The following MCF2L variants were observed in gnomAD, a reference collection of about 807,000 sequenced individuals.
MCF2L encodes the protein MCF.2 cell line derived transforming sequence like, also known as guanine nucleotide exchange factor DBS.
In MCF2L, 97 loss-of-function variants were observed where a neutral mutation model predicts 153.4. That is an observed-to-expected ratio of 0.63 (90% CI 0.54 to 0.75). MCF2L has a LOEUF of 0.75. Ranked by LOEUF, MCF2L falls within the 30% of genes least tolerant of loss-of-function variation. The pLI is 0.00. For missense variants in MCF2L, 1,347 were observed against 1,495.2 expected, an observed-to-expected ratio of 0.90 and a Z score of 1.64; for synonymous variants, 659 against 632.2, an observed-to-expected ratio of 1.04 and a Z score of -0.64.
At chr13:112,915,213 C>G (rs1480523880) in intron 2 of MCF2L, among the ~76,000 whole-genome samples, 1 of 151,350 alleles carries the variant, frequency 6.6e-6, no homozygotes, top group African/African-American at 2.4e-5. Context: ...ATCGAGACCA[C>G]CCTGGCTAAC....
At chr13:112,917,199 C>A (rs549115559) in intron 2 of MCF2L, 37 of 470,716 alleles carry the variant, frequency 7.9e-5, no homozygotes, top group Non-Finnish European at 1.5e-4. Context: ...ACCCCTCCCC[C>A]GGGCACTGCA....
At chr13:112,937,408 A>G (rs2095719) in intron 2 of MCF2L, among the ~76,000 whole-genome samples, 8 of 152,038 alleles carry the variant, frequency 5.3e-5, no homozygotes, top group Non-Finnish European at 1.2e-4. Context: ...AATTTAGAAC[A>G]TTTTCTTAAT....
At chr13:113,021,048 GTA>G (rs1259810662) in intron 2 of MCF2L, among the ~76,000 whole-genome samples, 5 of 86,932 alleles carry the variant, frequency 5.8e-5, no homozygotes, top group African/African-American at 2.1e-4. Context: ...AGCTGTGTGT[GTA>G]TATCCATGTG....
chr13:112,993,004 C>T lies in MCF2L; in HGVS notation c.80-21759C>T, dbSNP rs1310867738. ...CCCGGCTCAGTCTCTGCCAAACGTG[C>T]GCGGGCATCAGGCAGGAGTCCATGG... is the stretch of plus-strand genomic sequence containing the variant. On this transcript the variant is annotated intron_variant, in intron 1 of 29. Coordinates refer to ENST00000535094, the MANE Select transcript of MCF2L (RefSeq NM_001112732.3). This position sits in a 1 kb window ranked among gnomAD's most constrained non-coding sequence, Gnocchi z 4.6. 6.6e-6 allele frequency among the ~76,000 whole-genome samples: 1 copy of T among 152,238 alleles called. No homozygotes were observed. Among genetic ancestry groups the T allele is most frequent in the African/African-American group, 2.4e-5 (1 of 41,468 alleles).
intron 2 of MCF2L, among the ~76,000 whole-genome samples, chr13:112,924,228 C>T (rs147267972): frequency 3.3e-5 from 5 of 152,112 alleles, no homozygotes; most frequent in African/African-American, 9.7e-5. Context: ...ACAACCCCCC[C>T]ACGATGTGTC....
chr13:113,025,868 G>GCAGGA (rs2085247747), intron 3 of MCF2L, among the ~76,000 whole-genome samples: 1 of 143,254 alleles, frequency 7.0e-6, no homozygotes, highest in African/African-American at 2.6e-5. Flanking sequence ...CCCCGTGACT[G>GCAGGA]TGGGTCGGGG....
intron 18 of MCF2L, among the ~76,000 whole-genome samples, 174 bp downstream of exon 18, chr13:113,084,241 G>C (rs1434546616): frequency 1.3e-5 from 2 of 151,348 alleles, no homozygotes; most frequent in Non-Finnish European, 2.9e-5. Context: ...TGAACCCCCA[G>C]AACCTCCTGA....
intron 2 of MCF2L, chr13:112,917,335 A>G (rs2081304469): frequency 5.5e-6 from 2 of 365,574 alleles, no homozygotes; most frequent in East Asian, 7.4e-5. Context: ...CAGAAACCCC[A>G]TCGTCCTCAT....
chr13:113,002,154 C>A (rs117736239), intron 1 of MCF2L, among the ~76,000 whole-genome samples: 1 of 152,172 alleles, frequency 6.6e-6, no homozygotes. Context: ...TGGGTGCCTC[C>A]GAGACCAGAG....
chr13:113,022,500 A>G (rs1170471336), intron 2 of MCF2L, among the ~76,000 whole-genome samples: 2 of 151,672 alleles, frequency 1.3e-5, no homozygotes, highest in African/African-American at 4.9e-5. Flanking sequence ...CACTCCACAC[A>G]CATAGGCTTC....
chr13:112,911,612 C>T (rs997998299), intron 2 of MCF2L, among the ~76,000 whole-genome samples: 5 of 152,252 alleles, frequency 3.3e-5, no homozygotes, highest in Admixed American at 6.5e-5. Context: ...ACCCGGGCTG[C>T]AGGCGTCCTC....
chr13:112,956,149 G>A (rs2081754501), intron 2 of MCF2L: 1 of 152,890 alleles, frequency 6.5e-6, no homozygotes, highest in Non-Finnish European at 1.5e-5. Context: ...GGCATCCCTG[G>A]TCCGCAGAGG....
intron 2 of MCF2L, among the ~76,000 whole-genome samples, chr13:112,903,192 A>G (rs1416731749): frequency 6.6e-6 from 1 of 152,208 alleles, no homozygotes; most frequent in African/African-American, 2.4e-5. Context: ...GCAGGCTTCC[A>G]GCACCAATGG....
chr13:112,933,814 C>T (rs1379387597), intron 2 of MCF2L, among the ~76,000 whole-genome samples: 3 of 152,216 alleles, frequency 2.0e-5, no homozygotes, highest in African/African-American at 7.2e-5. Context: ...GACGGCTCTG[C>T]CCTGCAGCCC....
At chr13:113,092,986 C>T (rs1248436564) in intron 26 of MCF2L, among the ~76,000 whole-genome samples, 2 of 152,258 alleles carry the variant, frequency 1.3e-5, no homozygotes, top group Non-Finnish European at 1.5e-5. Context: ...GTCCTGCCCA[C>T]GCCACACCAG....
intron 3 of MCF2L, chr13:113,042,851 CG>C (rs2086588366): frequency 6.6e-6 from 1 of 152,282 alleles, no homozygotes; most frequent in African/African-American, 2.4e-5. Context: ...TCGTGGTCCC[CG>C]TTGCTGGTCT....
intron 2 of MCF2L, chr13:112,909,453 G>A (rs1233352675): frequency 1.4e-5 from 9 of 636,250 alleles, no homozygotes; most frequent in South Asian, 7.5e-5. Context: ...CCAGCGTCCT[G>A]TGCAAACGTC....
chr13:112,973,092 T>C (rs1233253694), intron 1 of MCF2L, among the ~76,000 whole-genome samples: 1 of 151,948 alleles, frequency 6.6e-6, no homozygotes, highest in African/African-American at 2.4e-5. Context: ...CTGTGTGGAA[T>C]TGAAGAGCTC....
At chr13:112,959,622 C>A (rs1040524927) in intron 2 of MCF2L, among the ~76,000 whole-genome samples, 1 of 152,124 alleles carries the variant, frequency 6.6e-6, no homozygotes, top group African/African-American at 2.4e-5. Context: ...TGTTTCCATG[C>A]GTTTGACTTC....
Sources: gnomAD v4.1 joint callset for allele counts (sites outside exome capture counted in the v4.1 genomes callset) on GRCh38, gnomAD v4.1.1 for gene constraint, Gnocchi (gnomAD v3.1) non-coding constraint, MANE v1.5 for transcripts, NCBI Gene and HGNC (gene_info 2026-07-23, HGNC 2026-07-21) for gene names.